Variants in GRM7 observed in about 807,000 individuals in gnomAD.
GRM7 encodes the protein metabotropic glutamate receptor 7.
A neutral mutation model predicts 84.5 loss-of-function variants in GRM7; 35 were observed. That is an observed-to-expected ratio of 0.41 (90% CI 0.32 to 0.55). The LOEUF (loss-of-function observed/expected upper bound fraction) is 0.55. GRM7 is among the 20% of genes least tolerant of loss of function. The pLI is 0.19. For missense variants in GRM7, 1,003 were observed against 1,194.6 expected (o/e 0.84, Z 2.36); for synonymous variants, 487 against 455.1 (o/e 1.07, Z -0.89).
chr3:7,174,970 A>G (rs573152422), intron 2 of GRM7, among the ~76,000 whole-genome samples: 2 of 152,342 alleles, frequency 1.3e-5, no homozygotes, highest in African/African-American at 2.4e-5. Context: ...ATAATGGTGT[A>G]ATACATTAAA....
intron 2 of GRM7, among the ~76,000 whole-genome samples, chr3:7,159,277 G>A (rs1465766012): frequency 6.6e-6 from 1 of 152,106 alleles, no homozygotes; most frequent in Non-Finnish European, 1.5e-5. Context: ...AATAAAACAC[G>A]AAGATTCAGG....
At chr3:7,141,501 C>G (rs911698654) in intron 1 of GRM7, among the ~76,000 whole-genome samples, 12 of 151,578 alleles carry the variant, frequency 7.9e-5, no homozygotes, top group African/African-American at 2.9e-4. Context: ...TATTTAAATT[C>G]TACCCAAATT....
chr3:7,433,906 A>G (rs1696935270), intron 5 of GRM7, among the ~76,000 whole-genome samples: 1 of 152,204 alleles, frequency 6.6e-6, no homozygotes, highest in Non-Finnish European at 1.5e-5. Flanking sequence ...ATTGCATCCA[A>G]TCTCTATACC....
chr3:7,249,147 A>T (rs1350232245), intron 2 of GRM7, among the ~76,000 whole-genome samples: 1 of 152,116 alleles, frequency 6.6e-6, no homozygotes, highest in Non-Finnish European at 1.5e-5. Flanking sequence ...ATTGTTTGGG[A>T]TAAAACTTCC....
intron 7 of GRM7, among the ~76,000 whole-genome samples, chr3:7,494,577 T>G (rs1249008322): frequency 6.6e-6 from 1 of 152,192 alleles, no homozygotes; most frequent in Non-Finnish European, 1.5e-5. Flanking sequence ...CCTTCTGGGA[T>G]TCTGATAATA....
At chr3:7,516,653 G>C (rs2124984641) in intron 7 of GRM7, among the ~76,000 whole-genome samples, 2 of 152,190 alleles carry the variant, frequency 1.3e-5, no homozygotes, top group South Asian at 4.2e-4. Context: ...GAGGACTAGA[G>C]GTATGAGCTG....
chr3:7,356,293 G>A (rs1215805216), intron 4 of GRM7, among the ~76,000 whole-genome samples: 2 of 151,284 alleles, frequency 1.3e-5, no homozygotes, highest in African/African-American at 2.4e-5. Context: ...ATCAGCAGAG[G>A]AGGATTTTTT....
chr3:7,088,056 T>C (rs1232422334), intron 1 of GRM7, among the ~76,000 whole-genome samples: 1 of 152,184 alleles, frequency 6.6e-6, no homozygotes, highest in African/African-American at 2.4e-5. Context: ...ATCCATAAAA[T>C]GAGAATGACC....
chr3:7,325,547 G>C (rs966208291), intron 4 of GRM7, among the ~76,000 whole-genome samples: 1 of 152,042 alleles, frequency 6.6e-6, no homozygotes, highest in Non-Finnish European at 1.5e-5. Flanking sequence ...TGGAGAAAGG[G>C]GCAGTCCTGA....
rs543103626 is a variant in GRM7 at position 7,486,445 on chromosome 3, G to T, written c.1515+24723G>T. 7.2e-5 allele frequency among the ~76,000 whole-genome samples: 11 copies of T among 152,246 alleles called. No individual in the cohort carries two copies. The highest frequency in any genetic ancestry group is 2.0e-4 in the Admixed American group (3 of 15,288). ...TGTTGGGAGATGATACCATTGAGAG[G>T]CAATTGGGTCATAAAGCGTACTCCT... On this transcript the variant is annotated intron_variant, in intron 7 of 9. Coordinates refer to ENST00000357716, the MANE Select transcript of GRM7 (RefSeq NM_000844.4). This position sits in a 1 kb window ranked among gnomAD's most constrained non-coding sequence, Gnocchi z 5.5.
Position 7,672,209 on chromosome 3 carries a change from G to GCAAA in GRM7, c.2452-7837_2452-7834dup, listed in dbSNP as rs748294728. 3.3e-5 allele frequency among the ~76,000 whole-genome samples: 5 copies of GCAAA among 152,122 alleles called. No homozygotes were observed. In the East Asian group the frequency reaches 5.8e-4, roughly 18 times the overall value. The stretch of plus-strand genomic sequence containing the variant: ...CAGGATGGCTGAAAGAATCCCAATT[G>GCAAA]CAAACATTCTGTCTCATTCTCAGCT... On this transcript the variant is annotated intron_variant, in intron 8 of 9. Coordinates refer to ENST00000357716, the MANE Select transcript of GRM7 (RefSeq NM_000844.4).
chr3:7,361,422 C>G (rs1215419932), intron 4 of GRM7, among the ~76,000 whole-genome samples: 1 of 152,076 alleles, frequency 6.6e-6, no homozygotes, highest in African/African-American at 2.4e-5. Context: ...AACTAGTGTC[C>G]TCTTGAGCCT....
At chr3:7,197,364 C>G (rs1399215045) in intron 2 of GRM7, among the ~76,000 whole-genome samples, 1 of 152,136 alleles carries the variant, frequency 6.6e-6, no homozygotes, top group Non-Finnish European at 1.5e-5. Flanking sequence ...ATCTTTTATC[C>G]TCACTATTCT....
Position 6,878,609 on chromosome 3 carries a change from A to C in GRM7, c.519+16702A>C, listed in dbSNP as rs971017211. Among the ~76,000 whole-genome samples the C allele has an allele frequency of 4.6e-5, 7 of 152,290 alleles. 1 individual carries two copies. The highest frequency in any genetic ancestry group is 3.9e-4 in the East Asian group (2 of 5,182). ...GACATGGAAGAAAATTCCACTTGAG[A>C]AATGGACCAATACATCACGCACTAA... On this transcript the variant is annotated intron_variant, in intron 1 of 9. Coordinates refer to ENST00000357716, the MANE Select transcript of GRM7 (RefSeq NM_000844.4).
intron 4 of GRM7, among the ~76,000 whole-genome samples, chr3:7,350,032 C>T (rs1421988521): frequency 6.6e-6 from 1 of 152,080 alleles, no homozygotes. Flanking sequence ...GAAATACAGG[C>T]CTCACTTGAT....
chr3:7,452,871 T>G (rs888669895), intron 6 of GRM7, 64 bp downstream of exon 6: 2 of 960,302 alleles, frequency 2.1e-6, no homozygotes, highest in East Asian at 2.6e-5. Context: ...TCATAAGTTT[T>G]AAATGTCTAT....
At chr3:7,266,807 T>C (rs1347336819) in intron 2 of GRM7, among the ~76,000 whole-genome samples, 1 of 152,218 alleles carries the variant, frequency 6.6e-6, no homozygotes, top group Non-Finnish European at 1.5e-5. Context: ...TTTTTAAATT[T>C]GGATAATTCA....
chr3:6,982,011 C>T (rs1388441457), intron 1 of GRM7, among the ~76,000 whole-genome samples: 1 of 152,104 alleles, frequency 6.6e-6, no homozygotes, highest in Non-Finnish European at 1.5e-5. Flanking sequence ...CCCATCCCAG[C>T]ACTATTCACA....
chr3:7,701,943 T>TA (rs1701243936), intron 9 of GRM7, among the ~76,000 whole-genome samples: 2 of 152,202 alleles, frequency 1.3e-5, no homozygotes, highest in Non-Finnish European at 2.9e-5. Flanking sequence ...TTTTTTACAC[T>TA]ATCATATAAA....
Sources: allele counts gnomAD v4.1 joint callset (sites outside exome capture counted in the v4.1 genomes callset), GRCh38; gene constraint gnomAD v4.1.1; non-coding constraint Gnocchi (gnomAD v3.1); transcripts MANE v1.5; gene names NCBI Gene and HGNC (gene_info 2026-07-23, HGNC 2026-07-21).